Variants in CELSR1 observed in about 807,000 individuals in gnomAD.
CELSR1 encodes the protein adhesion G protein-coupled receptor C1.
CELSR1 carries 110 observed loss-of-function variants against 249.1 expected under a neutral mutation model. That is an observed-to-expected ratio of 0.44 (90% CI 0.38 to 0.52). The LOEUF (loss-of-function observed/expected upper bound fraction) is 0.52, where lower values mean the gene tolerates loss of function less well. Among genes scored for constraint, CELSR1 ranks in the 20% least tolerant of loss-of-function variants. The pLI, the probability that CELSR1 is intolerant of heterozygous loss-of-function variation, is 0.00. For missense variants in CELSR1, 4,109 were observed against 4,296.4 expected (o/e 0.96, Z 1.22); for synonymous variants, 2,113 against 1,900.0 (o/e 1.11, Z -2.92).
At chr22:46,418,644 T>C (rs1181020675) in intron 5 of CELSR1, among the ~76,000 whole-genome samples, 1 of 152,218 alleles carries the variant, frequency 6.6e-6, no homozygotes, top group Non-Finnish European at 1.5e-5. Context: ...CAAAGCCACC[T>C]GCAGCTTGGA....
Position 46,436,202 on chromosome 22 carries a change from G to T in CELSR1, c.4494C>A (p.Asp1498Glu), listed in dbSNP as rs146724379. The T allele has an allele frequency of 3.7e-6, 6 of 1,613,914 alleles. No homozygotes were observed. The highest frequency in any genetic ancestry group is 2.7e-5 in the African/African-American group (2 of 74,916). Residue 1498 changes from aspartate to glutamate, a missense_variant, in exon 4 of 35, where the codon GAC (aspartate) becomes GAA (glutamate). Asp to Glu is a conservative substitution (Grantham distance 45, BLOSUM62 2). This residue lies in a region of CELSR1 where 453 missense variants were observed against 492.0 expected (regional missense o/e 0.92). Coordinates refer to ENST00000674500, the MANE Select transcript of CELSR1 (RefSeq NM_001378328.1). This position sits in a 1 kb window ranked among gnomAD's most constrained non-coding sequence, Gnocchi z 5.9. ...KHDFIALEIV[D>E]EQVQLTFSAG... is the part of the protein sequence containing the mutation. ...CAGAGAAGGTGAGCTGCACCTGCTC[G>T]TCCACGATCTCCAGGGCGATGAAGT... is the stretch of plus-strand genomic sequence containing the variant.
chr22:46,390,629 C>T lies in CELSR1; in HGVS notation c.6251-143G>A. On this transcript the variant is annotated intron_variant, in intron 16 of 34. Coordinates refer to ENST00000674500, the MANE Select transcript of CELSR1 (RefSeq NM_001378328.1). This position sits in a 1 kb window ranked among gnomAD's most constrained non-coding sequence, Gnocchi z 6.3. ...CCCATGGGGGCCAGGAGGTCGACAC[C>T]AGCGCCCCTCTTTCATGTCAGGGCC... 1 of 634,386 alleles carries T rather than the reference C, an allele frequency of 1.6e-6. No individual in the cohort carries two copies. 39.3% of individuals were successfully genotyped at this position (634,386 alleles called of 1,614,324 possible).
At chr22:46,509,977 G>C (rs1414891362) in intron 1 of CELSR1, among the ~76,000 whole-genome samples, 1 of 152,202 alleles carries the variant, frequency 6.6e-6, no homozygotes, top group Non-Finnish European at 1.5e-5. Context: ...GGGACTTCAT[G>C]CCACATCTGG....
intron 1 of CELSR1, among the ~76,000 whole-genome samples, chr22:46,528,372 T>G (rs2080759091): frequency 6.6e-6 from 1 of 152,172 alleles, no homozygotes; most frequent in Non-Finnish European, 1.5e-5. Context: ...GTTTCAGTAT[T>G]TTCTGACATG....
chr22:46,409,990 A>T lies in CELSR1; in HGVS notation c.4934-110T>A. 2.8e-6 allele frequency: 4 copies of T among 1,454,528 alleles called. No individual in the cohort carries two copies. The Admixed American group carries it at 7.2e-5, about 26-fold the overall frequency. 90.1% of individuals were successfully genotyped at this position (1,454,528 alleles called of 1,614,324 possible). On this transcript the variant is annotated intron_variant, in intron 7 of 34. Transcript: ENST00000674500. This position sits in a 1 kb window ranked among gnomAD's most constrained non-coding sequence, Gnocchi z 9.8. ...ACGGAATGGACCCGGGGCTGGACAG[A>T]AGTCAGACCAGGTCTGAACGCCCCT...
chr22:46,536,797 G>A lies in CELSR1; in HGVS notation c.374C>T (p.Ala125Val). 1 of 1,194,848 alleles carries A rather than the reference G, an allele frequency of 8.4e-7. No homozygotes were observed. The highest frequency in any genetic ancestry group is 1.0e-6 in the Non-Finnish European group (1 of 965,884). 74.0% of individuals were successfully genotyped at this position (1,194,848 alleles called of 1,614,324 possible). Residue 125 changes from alanine (A) to valine (V), a missense_variant, in exon 1 of 35, where the codon GCC becomes GTC. Ala to Val is a moderately conservative substitution (Grantham distance 64). Coordinates refer to ENST00000674500, the MANE Select transcript of CELSR1 (RefSeq NM_001378328.1). ...GARARLCGTG[A>V]RLCGALCFPV... ...GAAGCAGAGCGCCCCGCAGAGCCGG[G>A]CACCGGTTCCGCAGAGCCGGGCACG...
intron 1 of CELSR1, among the ~76,000 whole-genome samples, chr22:46,466,763 G>A (rs1482238374): frequency 6.6e-6 from 1 of 152,206 alleles, no homozygotes; most frequent in African/African-American, 2.4e-5. Flanking sequence ...ATGTGTTGCT[G>A]GGAACCGAAC....
Position 46,399,707 on chromosome 22 carries a change from GC to G in CELSR1, c.5412+9del. ...GTCTATCCCCAGAGGAGGTGCAGGTGCCAGCTCACCTGGTCCATCCCATAGT... is the reference window on the plus strand; with the variant it reads ...GTCTATCCCCAGAGGAGGTGCAGGTGCAGCTCACCTGGTCCATCCCATAGT... On this transcript the variant is annotated intron_variant, in intron 10 of 34. Coordinates refer to ENST00000674500, the MANE Select transcript of CELSR1 (RefSeq NM_001378328.1). The surrounding 1 kb of genome is among the most constrained non-coding windows in gnomAD (Gnocchi z 5.0). The G allele has an allele frequency of 6.2e-7, 1 of 1,613,542 alleles. No homozygotes were observed.
chr22:46,487,521 G>C (rs1335121093), intron 1 of CELSR1, among the ~76,000 whole-genome samples: 1 of 115,128 alleles, frequency 8.7e-6, no homozygotes, highest in Admixed American at 9.8e-5. Flanking sequence ...AATTAGCATG[G>C]TGAGCCCCAC....
rs77825131 is a variant in CELSR1, at chr22:46,468,511, C to T, written c.3545-4166G>A. 1.0e-2 allele frequency among the ~76,000 whole-genome samples: 1,519 copies of T among 152,210 alleles called. 23 individuals are homozygous for T. Among genetic ancestry groups the T allele is most frequent in the African/African-American group, 0.034 (1,421 of 41,514 alleles). ...GGACGTGATGCTCACTGCAATAAGCCGGTCACATGTGAGGCTGCACTTACA... is the reference window on the plus strand; with the variant it reads ...GGACGTGATGCTCACTGCAATAAGCTGGTCACATGTGAGGCTGCACTTACA... On this transcript the variant is annotated intron_variant, in intron 1 of 34. Coordinates refer to ENST00000674500, the MANE Select transcript of CELSR1 (RefSeq NM_001378328.1). This position sits in a 1 kb window ranked among gnomAD's most constrained non-coding sequence, Gnocchi z 4.5.
At chr22:46,519,092 G>A (rs755659310) in intron 1 of CELSR1, among the ~76,000 whole-genome samples, 13 of 151,822 alleles carry the variant, frequency 8.6e-5, no homozygotes, top group South Asian at 8.3e-4. Context: ...CGCTGTGCAC[G>A]ACCCGGAAAA....
At chr22:46,369,037 G>T in intron 27 of CELSR1, 142 bp downstream of exon 27, 2 of 726,420 alleles carry the variant, frequency 2.8e-6, no homozygotes, top group Non-Finnish European at 4.7e-6. Context: ...CCTCTCTGGA[G>T]CCCTGGGGCT....
rs1185345496 is a variant in CELSR1 at position 46,417,467 on chromosome 22, CACA to C, written c.4612-5711_4612-5709del. On this transcript the variant is annotated intron_variant, in intron 5 of 34. Coordinates refer to ENST00000674500, the MANE Select transcript of CELSR1 (RefSeq NM_001378328.1). The surrounding 1 kb of genome is among the most constrained non-coding windows in gnomAD (Gnocchi z 4.1). ...TGTTCCGCCAGGTAGCCACCCTCTA[CACA>C]GGGGCTGCCGGCTGCTTTTGATGAC... Among the ~76,000 whole-genome samples, 1 of 152,198 alleles carries C rather than the reference CACA, an allele frequency of 6.6e-6. No individual in the cohort carries two copies. The highest frequency in any genetic ancestry group is 2.4e-5 in the African/African-American group (1 of 41,452).
rs1280324008 is a variant in CELSR1, at chr22:46,484,003, T to C, written c.3545-19658A>G. 6.6e-6 allele frequency among the ~76,000 whole-genome samples: 1 copy of C among 152,196 alleles called. No individual in the cohort carries two copies. ...AGGCTCAGAAGCCACATCCCTTGCC[T>C]CCAGGTAAAGGAGCACAACTGTCAA... is the stretch of plus-strand genomic sequence containing the variant. On this transcript the variant is annotated intron_variant, in intron 1 of 34. Transcript: ENST00000674500. The surrounding 1 kb of genome is among the most constrained non-coding windows in gnomAD (Gnocchi z 4.5).
intron 5 of CELSR1, among the ~76,000 whole-genome samples, chr22:46,414,115 T>A (rs190323848): frequency 6.6e-6 from 1 of 152,174 alleles, no homozygotes. Context: ...ACGCTTGTTT[T>A]TCGAGTGGCA....
chr22:46,384,388 C>T (rs1224308105), intron 20 of CELSR1, among the ~76,000 whole-genome samples, 155 bp downstream of exon 20: 1 of 152,208 alleles, frequency 6.6e-6, no homozygotes, highest in Non-Finnish European at 1.5e-5. Flanking sequence ...AACAAAACAA[C>T]CTGCTGTCAC....
In CELSR1 at chr22:46,409,794, C is replaced by T; in HGVS notation, c.5020G>A (p.Glu1674Lys). 1.9e-6 allele frequency: 3 copies of T among 1,613,956 alleles called. No homozygotes were observed. Among genetic ancestry groups the T allele is most frequent in the East Asian group, 4.5e-5 (2 of 44,878 alleles). Residue 1674 changes from glutamate (E) to lysine (K), a missense_variant, in exon 8 of 35, where the codon GAG (glutamate) becomes AAG (lysine). Glu to Lys is a moderately conservative substitution (Grantham distance 56). This residue lies in a region of CELSR1 where 453 missense variants were observed against 492.0 expected (regional missense o/e 0.92). Coordinates refer to ENST00000674500, the MANE Select transcript of CELSR1 (RefSeq NM_001378328.1). This position sits in a 1 kb window ranked among gnomAD's most constrained non-coding sequence, Gnocchi z 9.8. Reference protein sequence around the residue: ...CVNRWNMYLCECPLRFGGKNC... With the variant: ...CVNRWNMYLCKCPLRFGGKNC... ...TTCCCGCCGAATCGGAGTGGACACT[C>T]ACACAGATACATATTCCACCTGTTG... is the stretch of plus-strand genomic sequence containing the variant.
Position 46,472,977 on chromosome 22 carries a change from C to T in CELSR1, c.3545-8632G>A, listed in dbSNP as rs1237991849. Among the ~76,000 whole-genome samples, 1 of 152,212 alleles carries T rather than the reference C, an allele frequency of 6.6e-6. No homozygotes were observed. Among genetic ancestry groups the T allele is most frequent in the Non-Finnish European group, 1.5e-5 (1 of 68,046 alleles). ...CTGCAAAGAGCCTATTTCCAAATAACATCCCACTCTGAGGTTCCAGGTGGA... is the reference window on the plus strand; with the variant it reads ...CTGCAAAGAGCCTATTTCCAAATAATATCCCACTCTGAGGTTCCAGGTGGA... On this transcript the variant is annotated intron_variant, in intron 1 of 34. Coordinates refer to ENST00000674500, the MANE Select transcript of CELSR1 (RefSeq NM_001378328.1). This position sits in a 1 kb window ranked among gnomAD's most constrained non-coding sequence, Gnocchi z 7.0.
Position 46,536,309 on chromosome 22 carries a change from AC to A in CELSR1, c.861del (p.Phe288SerfsTer18). The part of the protein sequence containing the change: ...EERVSYYMEG[L>X]FDERSRGYFR... ...AAGTAGCCCCGGGAGCGCTCGTCGA[AC>A]AGCCCCTCCATGTAATAGCTCACGC... On this transcript the variant is annotated frameshift_variant, in exon 1 of 35. Coordinates refer to ENST00000674500, the MANE Select transcript of CELSR1 (RefSeq NM_001378328.1). LOFTEE classifies it high-confidence loss of function. 6.2e-7 allele frequency: 1 copy of A among 1,612,784 alleles called. No individual in the cohort carries two copies. Among genetic ancestry groups the A allele is most frequent in the Non-Finnish European group, 8.5e-7 (1 of 1,179,930 alleles).
Sources: gnomAD v4.1 joint callset for allele counts (sites outside exome capture counted in the v4.1 genomes callset) on GRCh38, gnomAD v4.1.1 for gene constraint, gnomAD v4.1.1 regional missense constraint, Gnocchi (gnomAD v3.1) non-coding constraint, MANE v1.5 for transcripts, NCBI Gene and HGNC (gene_info 2026-07-23, HGNC 2026-07-21) for gene names.